The following ATP5MC2 variants were observed in gnomAD, a reference collection of about 807,000 sequenced individuals.
ATP5MC2 encodes the protein ATP synthase membrane subunit c locus 2.
A neutral mutation model predicts 13.5 loss-of-function variants in ATP5MC2; 11 were observed. That is an observed-to-expected ratio of 0.81 (90% CI 0.51 to 1.35). The LOEUF (loss-of-function observed/expected upper bound fraction) is 1.35, where lower values mean the gene tolerates loss of function less well. Among genes scored for constraint, ATP5MC2 ranks in the 40% most tolerant of loss-of-function variants. ATP5MC2 has a pLI of 0.00. For missense variants in ATP5MC2, 132 were observed against 175.0 expected (o/e 0.75, Z 1.39); for synonymous variants, 64 against 69.7 (o/e 0.92, Z 0.41).
At chr12:53,678,066 C>G (rs1459459751), upstream of ATP5MC2, among the ~76,000 whole-genome samples, 1 of 152,176 alleles carries the variant, frequency 6.6e-6, no homozygotes, top group African/African-American at 2.4e-5. Flanking sequence ...AAAGCTGGCT[C>G]TTTCCAAAAG....
At chr12:53,679,444 C>T (rs572116796), upstream of ATP5MC2, among the ~76,000 whole-genome samples, 37 of 152,274 alleles carry the variant, frequency 2.4e-4, 1 homozygote, top group African/African-American at 8.2e-4. Context: ...CAGCTGTCTT[C>T]GAGGCAGGAG....
chr12:53,669,381 T>C (rs1945027524), intron 3 of ATP5MC2, 40 bp from the exon 4 acceptor site: 2 of 1,582,088 alleles, frequency 1.3e-6, no homozygotes, highest in African/African-American at 1.4e-5. Flanking sequence ...GTTTTTTGCT[T>C]TGGTAACTTT....
chr12:53,667,307 C>A (rs1944942583), intron 4 of ATP5MC2, among the ~76,000 whole-genome samples: 1 of 152,078 alleles, frequency 6.6e-6, no homozygotes, highest in African/African-American at 2.4e-5. Flanking sequence ...TGCCAGTTTT[C>A]CCAGGAGTGA....
At chr12:53,677,012 C>G (rs12303347), upstream of ATP5MC2, 91 of 152,338 alleles carry the variant, frequency 6.0e-4, no homozygotes, top group African/African-American at 1.9e-3. Flanking sequence ...CAGTTCCAAA[C>G]CCCTGCCGTC....
intron 2 of ATP5MC2, 43 bp downstream of exon 2, chr12:53,672,533 G>A (rs775117412): frequency 4.7e-6 from 7 of 1,496,002 alleles, no homozygotes; most frequent in South Asian, 1.2e-5. Context: ...AGAGAGACAA[G>A]ATGTCTCTCC....
rs1186663429 is a variant in ATP5MC2 at position 53,667,791 on chromosome 12, G to A, written c.311+1357C>T. ...ATTATAGGCGTAAGGCACCACACCC[G>A]GCCATAAAATTATTTTTAGCTCAAT... On this transcript the variant is annotated intron_variant, in intron 4 of 4. Coordinates refer to ENST00000394349, the MANE Select transcript of ATP5MC2 (RefSeq NM_005176.7). Among the ~76,000 whole-genome samples, 4 of 151,602 alleles carry A rather than the reference G, an allele frequency of 2.6e-5. No individual in the cohort carries two copies. The East Asian group carries it at 5.8e-4, about 22-fold the overall frequency.
At chr12:53,670,881 C>G (rs1224922702) in intron 2 of ATP5MC2, among the ~76,000 whole-genome samples, 3 of 152,020 alleles carry the variant, frequency 2.0e-5, no homozygotes, top group Admixed American at 2.0e-4. Flanking sequence ...CCTCGGCTTC[C>G]CAAGGTGCTG....
chr12:53,669,149 T>C lies in ATP5MC2; in HGVS notation c.310A>G (p.Arg104Gly). 1.2e-6 allele frequency: 2 copies of C among 1,604,744 alleles called. No homozygotes were observed. The highest frequency in any genetic ancestry group is 4.5e-5 in the East Asian group (2 of 44,728). The change falls in exon 4 of 5, where the codon AGG becomes GGG. Residue 104 changes from arginine to glycine, a missense_variant and splice_region_variant. Physicochemically the swap from Arg to Gly is moderately radical, Grantham distance 125. Coordinates refer to ENST00000394349, the MANE Select transcript of ATP5MC2 (RefSeq NM_005176.7). ...VFGSLIIGYA[R>G]NPSLKQQLFS... ...AGTGGAGGGTCCAACTTATCTTACC[T>C]GGCATAACCAATGATGAGGCTCCCA... is the stretch of plus-strand genomic sequence containing the variant.
At chr12:53,672,869 A>G in intron 1 of ATP5MC2, 1 of 516,072 alleles carries the variant, frequency 1.9e-6, no homozygotes, top group Non-Finnish European at 3.5e-6. Context: ...GGTCTGAACA[A>G]GTGAACACTT....
At chr12:53,668,994 G>T (rs1945012970) in intron 4 of ATP5MC2, among the ~76,000 whole-genome samples, 154 bp downstream of exon 4, 1 of 152,000 alleles carries the variant, frequency 6.6e-6, no homozygotes. Context: ...CTCCAGCCTG[G>T]GAAACAGAGC....
At chr12:53,674,746 C>A (rs1312871325) in intron 1 of ATP5MC2, among the ~76,000 whole-genome samples, 1 of 152,162 alleles carries the variant, frequency 6.6e-6, no homozygotes, top group Non-Finnish European at 1.5e-5. Flanking sequence ...CCACACCCAG[C>A]CTTAATTACT....
intron 4 of ATP5MC2, 77 bp downstream of exon 4, chr12:53,669,071 T>G: frequency 6.6e-7 from 1 of 1,519,870 alleles, no homozygotes; most frequent in South Asian, 1.3e-5. Flanking sequence ...TGGGATAGTA[T>G]AGTTCTAGAC....
intron 4 of ATP5MC2, among the ~76,000 whole-genome samples, chr12:53,668,874 G>A (rs1046900268): frequency 5.3e-5 from 8 of 151,898 alleles, no homozygotes; most frequent in Non-Finnish European, 1.2e-4. Flanking sequence ...CAAAAATTAG[G>A]TGGGCGTCAT....
chr12:53,669,845 A>G, intron 3 of ATP5MC2, 26 bp downstream of exon 3: 1 of 1,612,490 alleles, frequency 6.2e-7, no homozygotes, highest in Non-Finnish European at 8.5e-7. Flanking sequence ...CCCCAAAACC[A>G]CAGTCCCAAC....
chr12:53,667,379 C>G (rs1445762524), intron 4 of ATP5MC2, among the ~76,000 whole-genome samples: 2 of 152,134 alleles, frequency 1.3e-5, no homozygotes, highest in African/African-American at 4.8e-5. Context: ...CACTGAGTCT[C>G]TAGAACAGGG....
intron 1 of ATP5MC2, among the ~76,000 whole-genome samples, chr12:53,674,197 G>A (rs1409814748): frequency 2.6e-5 from 4 of 152,060 alleles, no homozygotes; most frequent in Non-Finnish European, 4.4e-5. Flanking sequence ...CATAAAATTA[G>A]CCAGGTGAGG....
chr12:53,679,737 T>G (rs1403114554), upstream of ATP5MC2, among the ~76,000 whole-genome samples: 1 of 152,242 alleles, frequency 6.6e-6, no homozygotes, highest in Non-Finnish European at 1.5e-5. Flanking sequence ...TGTGATGGGC[T>G]GGTGGGAACT....
rs769609879 is a variant in ATP5MC2, at chr12:53,669,302, G to A, written c.157C>T (p.Leu53Phe). The change falls in exon 4 of 5, where the codon CTT (leucine) becomes TTT (phenylalanine). Residue 53 changes from leucine to phenylalanine, a missense_variant. Coordinates refer to ENST00000394349, the MANE Select transcript of ATP5MC2 (RefSeq NM_005176.7). ...GTTTGGAAGCTGCGGCTAGAGACAA[G>A]TGAGGTAAGGGGACATGAGACTGCC... ...SLAVSCPLTS[L>F]VSSRSFQTSA... is the part of the protein sequence containing the mutation. The A allele has an allele frequency of 6.2e-7, 1 of 1,614,170 alleles. No homozygotes were observed. Among genetic ancestry groups the A allele is most frequent in the Non-Finnish European group, 8.5e-7 (1 of 1,180,010 alleles).
intron 1 of ATP5MC2, 102 bp downstream of exon 1, chr12:53,675,951 G>T: frequency 6.7e-7 from 1 of 1,490,542 alleles, no homozygotes; most frequent in South Asian, 1.3e-5. Flanking sequence ...GAGAGGACCA[G>T]GGTGGGAGCA....
Sources: allele counts gnomAD v4.1 joint callset (sites outside exome capture counted in the v4.1 genomes callset), GRCh38; gene constraint gnomAD v4.1.1; transcripts MANE v1.5; gene names NCBI Gene and HGNC (gene_info 2026-07-23, HGNC 2026-07-21).